The following ACOT11 variants were observed in gnomAD, a reference collection of about 807,000 sequenced individuals.
ACOT11 encodes the protein acyl-coenzyme A thioesterase 11.
ACOT11 carries 69 observed loss-of-function variants against 77.5 expected under a neutral mutation model. The ratio of observed to expected loss-of-function variants is 0.89; its 90% CI spans 0.73 to 1.09. The LOEUF (loss-of-function observed/expected upper bound fraction) is 1.09. ACOT11 is among the 50% of genes least tolerant of loss of function. The pLI, the probability that ACOT11 is intolerant of heterozygous loss-of-function variation, is 0.00. For synonymous variants in ACOT11, 279 were observed against 313.0 expected (o/e 0.89, Z 1.15); for missense variants, 766 against 813.7 (o/e 0.94, Z 0.71).
rs567741777 is a variant in ACOT11 at position 54,607,793 on chromosome 1, T to C, written c.1503-149T>C. The C allele has an allele frequency of 5.2e-5, 54 of 1,042,654 alleles. 2 individuals carry two copies. Among genetic ancestry groups the C allele is most frequent in the South Asian group, 4.3e-4 (27 of 62,256 alleles). The allele number at this position is 1,042,654 out of a possible 1,614,324, so 64.6% of individuals were successfully genotyped here. A position where few individuals can be genotyped will look rare whatever the true frequency, so the allele number is the denominator to read the frequency against. On this transcript the variant is annotated intron_variant, in intron 14 of 15. Coordinates refer to ENST00000343744, the MANE Select transcript of ACOT11 (RefSeq NM_147161.4). The surrounding 1 kb of genome is among the most constrained non-coding windows in gnomAD (Gnocchi z 4.5). ...CTCCAGCCTGGCCCTGAGCCCCGCA[T>C]TGGGGCTTTAAGAGTCGATGTGCCT...
chr1:54,553,170 A>G (rs1202700414), intron 1 of ACOT11, among the ~76,000 whole-genome samples: 1 of 151,970 alleles, frequency 6.6e-6, no homozygotes, highest in East Asian at 1.9e-4. Flanking sequence ...TGCTCTCCAA[A>G]ATTTTATTTT....
chr1:54,548,510 T>C (rs1179577570), intron 1 of ACOT11, 168 bp downstream of exon 1: 1 of 890,600 alleles, frequency 1.1e-6, no homozygotes. Flanking sequence ...GGCTGGTTTA[T>C]TATCAGCAGC....
At chr1:54,631,843 G>A (rs1402509689) in intron 16 of ACOT11, among the ~76,000 whole-genome samples, 2 of 152,166 alleles carry the variant, frequency 1.3e-5, no homozygotes, top group Non-Finnish European at 2.9e-5. Context: ...ATTAGCTTTC[G>A]ACAATGCTAA....
intron 1 of ACOT11, chr1:54,572,977 C>T (rs879563409): frequency 4.1e-6 from 4 of 985,456 alleles, no homozygotes; most frequent in Non-Finnish European, 4.8e-6. Flanking sequence ...GCAATTTCCT[C>T]ACTGACAGTG....
At chr1:54,590,159 G>GTCTC (rs139006981) in intron 3 of ACOT11, among the ~76,000 whole-genome samples, 1 of 151,660 alleles carries the variant, frequency 6.6e-6, no homozygotes, top group African/African-American at 2.4e-5. Flanking sequence ...CTCTGGCACC[G>GTCTC]TCTCTCTCTC....
At chr1:54,587,709 G>A (rs1057307941) in intron 3 of ACOT11, among the ~76,000 whole-genome samples, 1 of 150,284 alleles carries the variant, frequency 6.7e-6, no homozygotes, top group Non-Finnish European at 1.5e-5. Context: ...TTACAGGTGC[G>A]TGACACCACA....
At chr1:54,574,250 C>T (rs571040894) in intron 1 of ACOT11, among the ~76,000 whole-genome samples, 5 of 152,284 alleles carry the variant, frequency 3.3e-5, no homozygotes, top group South Asian at 2.1e-4. Flanking sequence ...AGCTGAACCC[C>T]GGCCCACCCA....
At chr1:54,622,824 G>A (rs921352621) in intron 15 of ACOT11, among the ~76,000 whole-genome samples, 1 of 120,694 alleles carries the variant, frequency 8.3e-6, no homozygotes, top group Non-Finnish European at 1.7e-5. Flanking sequence ...GTTGGGGGAT[G>A]GAAGAGAGAA....
intron 1 of ACOT11, among the ~76,000 whole-genome samples, chr1:54,562,224 C>T (rs1261451659): frequency 2.0e-5 from 2 of 99,884 alleles, no homozygotes; most frequent in African/African-American, 1.1e-4. Flanking sequence ...GAGGGCTGAC[C>T]CCCCCACCTC....
At chr1:54,635,581 CT>C in exon 17 of ACOT11, 1 of 213,628 alleles carries the variant, frequency 4.7e-6, no homozygotes, top group Non-Finnish European at 9.2e-6. Context: ...GCAACCTGAC[CT>C]TAATGCCAGG....
intron 1 of ACOT11, among the ~76,000 whole-genome samples, chr1:54,570,054 C>T (rs138064079): frequency 6.6e-6 from 1 of 152,326 alleles, no homozygotes; most frequent in Non-Finnish European, 1.5e-5. Flanking sequence ...CAGTGGTCTG[C>T]TCCTGTGTGC....
chr1:54,622,272 T>C, intron 15 of ACOT11, among the ~76,000 whole-genome samples: 1 of 80,644 alleles, frequency 1.2e-5, no homozygotes, highest in Admixed American at 1.8e-4. Flanking sequence ...TGAGACTCTG[T>C]CTCAAAAAAA....
intron 1 of ACOT11, among the ~76,000 whole-genome samples, chr1:54,583,872 T>A (rs1034268351): frequency 6.6e-6 from 1 of 152,218 alleles, no homozygotes; most frequent in Non-Finnish European, 1.5e-5. Flanking sequence ...CTTGAGCTCA[T>A]GGTCTGCTTA....
chr1:54,560,891 G>T (rs1422477043), intron 1 of ACOT11, among the ~76,000 whole-genome samples: 3 of 151,856 alleles, frequency 2.0e-5, no homozygotes, highest in Non-Finnish European at 4.4e-5. Flanking sequence ...CCGGCTAATT[G>T]TTTGTATTTT....
At chr1:54,611,801 C>T, downstream of ACOT11, 1 of 1,605,278 alleles carries the variant, frequency 6.2e-7, no homozygotes, top group Non-Finnish European at 8.5e-7. Flanking sequence ...ACCCTCAGCC[C>T]CACTCCTGTG....
At chr1:54,623,256 T>C (rs765974192) in intron 15 of ACOT11, 1 of 1,558,274 alleles carries the variant, frequency 6.4e-7, no homozygotes, top group South Asian at 1.1e-5. Context: ...CCACTCAGGA[T>C]GACATGGGGG....
At chr1:54,613,160 AC>A (rs1410868221), downstream of ACOT11, among the ~76,000 whole-genome samples, 1 of 151,696 alleles carries the variant, frequency 6.6e-6, no homozygotes, top group Non-Finnish European at 1.5e-5. Flanking sequence ...CAGGTGAATC[AC>A]CTGAGGTTGG....
Position 54,579,740 on chromosome 1 carries a change from G to C in ACOT11, c.34-4915G>C, listed in dbSNP as rs116260552. ...TTCCAGTACCTTGTGAGAGGCAGGG[G>C]CGGGAGAGTGGGAGGAACAGGGGCT... On this transcript the variant is annotated intron_variant, in intron 1 of 15. Coordinates refer to ENST00000343744, the MANE Select transcript of ACOT11 (RefSeq NM_147161.4). 8.4e-3 allele frequency among the ~76,000 whole-genome samples: 1,285 copies of C among 152,334 alleles called. 19 individuals are homozygous for C. The highest frequency in any genetic ancestry group is 0.029 in the African/African-American group (1,218 of 41,576).
At chr1:54,548,468 T>C (rs988058336) in intron 1 of ACOT11, 126 bp downstream of exon 1, 3 of 1,255,784 alleles carry the variant, frequency 2.4e-6, no homozygotes, top group Admixed American at 2.5e-5. Flanking sequence ...ATTTTCTAGC[T>C]CTCTTTGGAA....
Sources: gnomAD v4.1 joint callset for allele counts (sites outside exome capture counted in the v4.1 genomes callset) on GRCh38, gnomAD v4.1.1 for gene constraint, Gnocchi (gnomAD v3.1) non-coding constraint, MANE v1.5 for transcripts, NCBI Gene and HGNC (gene_info 2026-07-23, HGNC 2026-07-21) for gene names.